The following GALNT9 variants were observed in gnomAD, a reference collection of about 807,000 sequenced individuals.
GALNT9 encodes GalNAc transferase 9.
A neutral mutation model predicts 63.1 loss-of-function variants in GALNT9; 47 were observed. The ratio of observed to expected loss-of-function variants is 0.75; its 90% confidence interval spans 0.59 to 0.95. GALNT9 has a LOEUF of 0.95. Among genes scored for constraint, GALNT9 ranks in the 40% least tolerant of loss-of-function variants. The pLI is 0.00. For missense variants in GALNT9, 829 were observed against 874.8 expected, an observed-to-expected ratio of 0.95 and a Z score of 0.66; for synonymous variants, 396 against 365.7, an observed-to-expected ratio of 1.08 and a Z score of -0.94.
chr12:132,250,251 G>T (rs1392590644), intron 5 of GALNT9, among the ~76,000 whole-genome samples: 2 of 152,130 alleles, frequency 1.3e-5, no homozygotes, highest in African/African-American at 2.4e-5. Flanking sequence ...GTCCACGGGG[G>T]CAGGAAGTGG....
Position 132,240,222 on chromosome 12 carries a change from C to T in GALNT9, c.1077+7688G>A, listed in dbSNP as rs2136897905. On this transcript the variant is annotated intron_variant, in intron 6 of 10. Coordinates refer to ENST00000328957, the MANE Select transcript of GALNT9 (RefSeq NM_001122636.2). Reference sequence around the variant, plus strand: ...AAATGGCGGGGTTGAGTGGGGTGGTCGCCCTACAGGTCAGGGATCTGGAAT... The same window carrying T: ...AAATGGCGGGGTTGAGTGGGGTGGTTGCCCTACAGGTCAGGGATCTGGAAT... 3.9e-5 allele frequency among the ~76,000 whole-genome samples: 6 copies of T among 152,218 alleles called. No individual in the cohort carries two copies. In the East Asian group the frequency reaches 7.7e-4, roughly 20 times the overall value.
At chr12:132,239,663 G>C (rs1878167249) in intron 6 of GALNT9, among the ~76,000 whole-genome samples, 1 of 151,270 alleles carries the variant, frequency 6.6e-6, no homozygotes, top group South Asian at 2.1e-4. Flanking sequence ...CAGAGACAGA[G>C]AGAGACAGAG....
chr12:132,307,698 G>A (rs1407856637), intron 1 of GALNT9, among the ~76,000 whole-genome samples: 2 of 151,516 alleles, frequency 1.3e-5, no homozygotes, highest in African/African-American at 4.8e-5. Flanking sequence ...GTTGGGTGTG[G>A]TGGCGGGCGC....
rs143735393 is a variant in GALNT9 at position 132,261,045 on chromosome 12, G to A, written c.664C>T (p.Arg222Trp). Residue 222 changes from arginine (R) to tryptophan (W), a missense_variant, in exon 4 of 11, where the codon CGG (arginine) becomes TGG (tryptophan). Coordinates refer to ENST00000328957, the MANE Select transcript of GALNT9 (RefSeq NM_001122636.2). ...GLVKIVRNSR[R>W]EGLIRARLQG... ...AGCCGCGCGCGGATCAGTCCTTCCC[G>A]CCGGCTGTTGCGGACAATCTTCACG... 16 of 1,551,210 alleles carry A rather than the reference G, an allele frequency of 1.0e-5. No homozygotes were observed. Among genetic ancestry groups the A allele is most frequent in the South Asian group, 7.1e-5 (6 of 84,052 alleles).
chr12:132,262,551 G>A lies in GALNT9; in HGVS notation c.494C>T (p.Ser165Leu), dbSNP rs782410182. Residue 165 changes from serine (S) to leucine (L), a missense_variant, in exon 3 of 11, where the codon TCG becomes TTG. Transcript: ENST00000328957. ...VVFIFVNEAL[S>L]VILRSVHSVV... Reference sequence around the variant, plus strand: ...GCTGTGCACGGAGCGCAGGATGACCGACAGCGCCTCATTGACGAAGATGAA... The same window carrying A: ...GCTGTGCACGGAGCGCAGGATGACCAACAGCGCCTCATTGACGAAGATGAA... 7.1e-6 allele frequency: 11 copies of A among 1,551,488 alleles called. No homozygotes were observed. Among genetic ancestry groups the A allele is most frequent in the South Asian group, 3.6e-5 (3 of 84,056 alleles).
At position 132,323,496 on chromosome 12, in the gene GALNT9, G is replaced by C. The variant is rs183014508; in HGVS notation, c.238+5470C>G. On this transcript the variant is annotated intron_variant, in intron 1 of 10. Coordinates refer to ENST00000328957, the MANE Select transcript of GALNT9 (RefSeq NM_001122636.2). ...TCCGGGTTAAGGGAACGGGCTGAGT[G>C]GCTCTGAGTGGTCAGATGGGGTCAA... 3.0e-4 allele frequency among the ~76,000 whole-genome samples: 46 copies of C among 152,368 alleles called. No individual in the cohort carries two copies. The East Asian group carries it at 7.1e-3, about 24-fold the overall frequency.
At chr12:132,301,715 C>T (rs782489871) in intron 1 of GALNT9, among the ~76,000 whole-genome samples, 1 of 152,278 alleles carries the variant, frequency 6.6e-6, no homozygotes, top group African/African-American at 2.4e-5. Context: ...CAAGCCCTCC[C>T]TGGCAAATGC....
Position 132,207,561 on chromosome 12 carries a change from A to G in GALNT9, c.1078-3871T>C, listed in dbSNP as rs541116995. ...CCGAGGCCCCTTCTTGGGTGAATGCAGCCTCAGGTCTCTCGGCCCTCGGGT... is the reference window on the plus strand; with the variant it reads ...CCGAGGCCCCTTCTTGGGTGAATGCGGCCTCAGGTCTCTCGGCCCTCGGGT... On this transcript the variant is annotated intron_variant, in intron 6 of 10. Coordinates refer to ENST00000328957, the MANE Select transcript of GALNT9 (RefSeq NM_001122636.2). Among the ~76,000 whole-genome samples the G allele has an allele frequency of 3.4e-4, 52 of 152,260 alleles. 1 individual carries two copies. In the South Asian group the frequency reaches 0.01, roughly 30 times the overall value.
intron 1 of GALNT9, among the ~76,000 whole-genome samples, chr12:132,314,339 T>G (rs1555245556): frequency 6.6e-6 from 1 of 152,086 alleles, no homozygotes; most frequent in Admixed American, 6.5e-5. Context: ...TGAACTCTCT[T>G]TCTGTCTCCA....
At chr12:132,226,969 C>T (rs1446377199) in intron 6 of GALNT9, among the ~76,000 whole-genome samples, 2 of 150,782 alleles carry the variant, frequency 1.3e-5, no homozygotes, top group Non-Finnish European at 1.5e-5. Flanking sequence ...ACACTGTATA[C>T]ACACCCCACA....
At chr12:132,321,196 TTGGTC>T (rs1566024587) in intron 1 of GALNT9, among the ~76,000 whole-genome samples, 100 of 151,376 alleles carry the variant, frequency 6.6e-4, no homozygotes, top group Middle Eastern at 3.4e-3. Flanking sequence ...GAGGCCCCTG[TTGGTC>T]CAGAGTCGAG....
chr12:132,253,688 T>G (rs1879008566), intron 5 of GALNT9, among the ~76,000 whole-genome samples: 1 of 152,280 alleles, frequency 6.6e-6, no homozygotes, highest in African/African-American at 2.4e-5. Flanking sequence ...GCCTTCAGTC[T>G]CTTGCCTCGG....
chr12:132,293,763 C>T (rs983876602), intron 1 of GALNT9, among the ~76,000 whole-genome samples: 5 of 131,860 alleles, frequency 3.8e-5, no homozygotes, highest in African/African-American at 1.0e-4. Flanking sequence ...CAGGTGAGCC[C>T]GTAAACAGTC....
At chr12:132,200,888 GT>G in intron 8 of GALNT9, 1 of 540,508 alleles carries the variant, frequency 1.9e-6, no homozygotes, top group Non-Finnish European at 3.3e-6. Context: ...AGGTGCGTGT[GT>G]TTATGTGAAC....
intron 5 of GALNT9, among the ~76,000 whole-genome samples, chr12:132,253,645 C>G (rs1879007689): frequency 6.6e-6 from 1 of 152,224 alleles, no homozygotes; most frequent in Non-Finnish European, 1.5e-5. Context: ...TATTCTTATT[C>G]TAACTATTTT....
intron 4 of GALNT9, among the ~76,000 whole-genome samples, chr12:132,259,757 C>T (rs1566003122): frequency 1.3e-5 from 2 of 152,262 alleles, no homozygotes; most frequent in Non-Finnish European, 2.9e-5. Flanking sequence ...CCGTGTAACA[C>T]TGAGATCAAA....
At chr12:132,255,333 T>C (rs183573966) in intron 5 of GALNT9, among the ~76,000 whole-genome samples, 50 of 152,346 alleles carry the variant, frequency 3.3e-4, no homozygotes, top group Non-Finnish European at 5.4e-4. Flanking sequence ...ATGTATTTCA[T>C]TGATGTATTT....
chr12:132,285,223 G>A (rs1038533813), intron 2 of GALNT9, among the ~76,000 whole-genome samples: 133 of 152,334 alleles, frequency 8.7e-4, no homozygotes, highest in Middle Eastern at 6.8e-3. Context: ...ACCACCCCAC[G>A]GTGAAACGCG....
chr12:132,200,142 G>A (rs1875912826), intron 8 of GALNT9, among the ~76,000 whole-genome samples: 1 of 152,238 alleles, frequency 6.6e-6, no homozygotes, highest in Admixed American at 6.5e-5. Flanking sequence ...CCAAGGGACT[G>A]GAGTCAGCGC....
Sources: allele counts gnomAD v4.1 joint callset (sites outside exome capture counted in the v4.1 genomes callset), GRCh38; gene constraint gnomAD v4.1.1; transcripts MANE v1.5; gene names NCBI Gene and HGNC (gene_info 2026-07-23, HGNC 2026-07-21).